The following OVCH1 variants were observed in gnomAD, a reference collection of about 807,000 sequenced individuals.
The protein encoded by OVCH1 is ovochymase 1.
Under a neutral mutation model 138.4 loss-of-function variants are expected in OVCH1, and 139 were observed. That is an observed-to-expected ratio of 1.00 (90% confidence interval 0.87 to 1.16). The LOEUF (loss-of-function observed/expected upper bound fraction) is 1.16. Ranked by LOEUF, OVCH1 falls within the 50% of genes most tolerant of loss-of-function variation. OVCH1 has a pLI of 0.00. For missense variants in OVCH1, 1,367 were observed against 1,357.9 expected (o/e 1.01, Z -0.11); for synonymous variants, 453 against 467.8 (o/e 0.97, Z 0.41).
At chr12:29,477,745 C>A (rs1193061782) in intron 9 of OVCH1, among the ~76,000 whole-genome samples, 1 of 152,196 alleles carries the variant, frequency 6.6e-6, no homozygotes, top group Non-Finnish European at 1.5e-5. Context: ...CTCTACCAGA[C>A]AACCACTGGA....
chr12:29,475,473 T>TA lies in OVCH1; in HGVS notation c.1472-285dup, dbSNP rs113136129. Among the ~76,000 whole-genome samples, 69 of 147,416 alleles carry TA rather than the reference T, an allele frequency of 4.7e-4. 1 individual carries two copies. Among genetic ancestry groups the TA allele is most frequent in the East Asian group, 7.9e-4 (4 of 5,040 alleles). ...TGTAGACAATAAGAAGAGGTAGGTTTAAAAAAAAAAACACCCAAGTTGGTG... is the reference window on the plus strand; with the variant it reads ...TGTAGACAATAAGAAGAGGTAGGTTTAAAAAAAAAAAACACCCAAGTTGGTG... On this transcript the variant is annotated intron_variant, in intron 13 of 27. Coordinates refer to ENST00000318184, the Ensembl canonical transcript of OVCH1.
chr12:29,497,506 A>G, intron 1 of OVCH1, 117 bp downstream of exon 1: 1 of 1,187,438 alleles, frequency 8.4e-7, no homozygotes, highest in Middle Eastern at 2.0e-4. Context: ...TTTCTTCCCA[A>G]ATGCCTCAGG....
chr12:29,486,297 T>C, exon 8 of OVCH1: 1 of 1,613,870 alleles, frequency 6.2e-7, no homozygotes, highest in African/African-American at 1.3e-5. Flanking sequence ...ACTCAGGGCC[T>C]TTGTTATATA....
chr12:29,487,869 C>A (rs1034174612), exon 7 of OVCH1: 1 of 1,610,006 alleles, frequency 6.2e-7, no homozygotes, highest in Non-Finnish European at 8.5e-7. Flanking sequence ...AACCAGTGGT[C>A]CTCCAGAGTC....
intron 19 of OVCH1, among the ~76,000 whole-genome samples, chr12:29,459,115 A>G (rs1427625675): frequency 1.3e-5 from 2 of 152,178 alleles, no homozygotes; most frequent in Non-Finnish European, 2.9e-5. Context: ...CCATTGATCT[A>G]GCAATCCCAC....
chr12:29,432,876 G>C (rs1416047513), intron 27 of OVCH1, among the ~76,000 whole-genome samples: 1 of 152,142 alleles, frequency 6.6e-6, no homozygotes, highest in Non-Finnish European at 1.5e-5. Context: ...GCTCGTCTGT[G>C]TCATGACTGA....
rs1941785964 is a variant in OVCH1, at chr12:29,451,250, G to A, written c.2755+95C>T. Reference sequence around the variant, plus strand: ...TCCTATTACATGGATCAACATTTTGGTAACATTATTACCAAGTCAGACTCA... The same window carrying A: ...TCCTATTACATGGATCAACATTTTGATAACATTATTACCAAGTCAGACTCA... On this transcript the variant is annotated intron_variant, in intron 22 of 27. Transcript: ENST00000318184. 4.3e-6 allele frequency: 4 copies of A among 921,974 alleles called. No individual in the cohort carries two copies. In the African/African-American group the frequency reaches 5.0e-5, roughly 12 times the overall value. 57.1% of individuals were successfully genotyped at this position (921,974 alleles called of 1,614,324 possible).
downstream of OVCH1, among the ~76,000 whole-genome samples, chr12:29,409,145 C>T (rs369235282): frequency 6.6e-6 from 1 of 151,856 alleles, no homozygotes; most frequent in African/African-American, 2.4e-5. Flanking sequence ...CTGTGGGATC[C>T]GTGGTGATAT....
intron 8 of OVCH1, among the ~76,000 whole-genome samples, chr12:29,483,232 A>G (rs555893951): frequency 1.4e-5 from 2 of 147,298 alleles, no homozygotes; most frequent in Non-Finnish European, 3.1e-5. Context: ...CTGTCTAAAC[A>G]TTGTACCCTA....
intron 25 of OVCH1, among the ~76,000 whole-genome samples, chr12:29,440,086 G>A (rs909405159): frequency 2.0e-5 from 3 of 152,114 alleles, no homozygotes; most frequent in Non-Finnish European, 2.9e-5. Context: ...TGCTGATTAA[G>A]TCAATTTCCA....
chr12:29,456,961 T>A (rs1167760022), intron 19 of OVCH1, among the ~76,000 whole-genome samples: 1 of 152,232 alleles, frequency 6.6e-6, no homozygotes, highest in African/African-American at 2.4e-5. Flanking sequence ...AACTAAGTCC[T>A]TTATTTGTCT....
Position 29,475,218 on chromosome 12 carries a change from A to ATAGT in OVCH1, c.1472-33_1472-30dup, listed in dbSNP as rs760339758. ...AAAAAATTTTAGGAAAGTTTGATTT[A>ATAGT]TAGTTATATTTTTAAAAAATCAGAA... is the stretch of plus-strand genomic sequence containing the variant. On this transcript the variant is annotated intron_variant, in intron 13 of 27. Transcript: ENST00000318184. 5 of 1,379,562 alleles carry ATAGT rather than the reference A, an allele frequency of 3.6e-6. No individual in the cohort carries two copies. In the South Asian group the frequency reaches 6.5e-5, roughly 18 times the overall value. The allele number at this position is 1,379,562 out of a possible 1,614,324, so 85.5% of individuals were successfully genotyped here. A position where few individuals can be genotyped will look rare whatever the true frequency, so the allele number is the denominator to read the frequency against.
At chr12:29,474,978 A>C in intron 14 of OVCH1, 83 bp downstream of exon 14, 1 of 1,432,602 alleles carries the variant, frequency 7.0e-7, no homozygotes, top group Non-Finnish European at 9.4e-7. Flanking sequence ...GCTATACTAC[A>C]TTGAGGTAAA....
intron 5 of OVCH1, 29 bp from the exon 6 acceptor site, chr12:29,489,800 C>T: frequency 6.3e-7 from 1 of 1,594,910 alleles, no homozygotes; most frequent in Non-Finnish European, 8.6e-7. Context: ...TAAGTTAGCA[C>T]ACAATATCCT....
chr12:29,471,882 C>G (rs1942522161), exon 16 of OVCH1: 1 of 1,613,286 alleles, frequency 6.2e-7, no homozygotes. Context: ...CTAGAAACCT[C>G]AGACCCACCT....
intron 3 of OVCH1, among the ~76,000 whole-genome samples, chr12:29,418,811 A>G (rs1196153720): frequency 1.3e-5 from 2 of 152,242 alleles, no homozygotes; most frequent in Non-Finnish European, 2.9e-5. Flanking sequence ...TAATGAGGTC[A>G]TAGTCATTTT....
intron 26 of OVCH1, among the ~76,000 whole-genome samples, chr12:29,438,992 A>C (rs1027290524): frequency 5.3e-5 from 8 of 152,200 alleles, no homozygotes; most frequent in Non-Finnish European, 1.2e-4. Context: ...GCAATTGAAA[A>C]TAAAATGTAG....
exon 24 of OVCH1, chr12:29,444,221 G>A (rs1459760754): frequency 4.3e-6 from 7 of 1,612,292 alleles, no homozygotes; most frequent in Non-Finnish European, 3.4e-6. Flanking sequence ...TCCTCACAAG[G>A]GACCAAGTGC....
At chr12:29,414,020 C>CTTTTTT (rs74937229) in intron 3 of OVCH1, among the ~76,000 whole-genome samples, 1 of 38,528 alleles carries the variant, frequency 2.6e-5, no homozygotes, top group African/African-American at 5.7e-5. Flanking sequence ...CTCTCTCTCT[C>CTTTTTT]TTTTTTTTTT....
Sources: gnomAD v4.1 joint callset for allele counts (sites outside exome capture counted in the v4.1 genomes callset) on GRCh38, gnomAD v4.1.1 for gene constraint, MANE v1.5 for transcripts, NCBI Gene and HGNC (gene_info 2026-07-23, HGNC 2026-07-21) for gene names.